The following MEIS3 variants were observed in gnomAD, a reference collection of about 807,000 sequenced individuals.
The protein encoded by MEIS3 is Meis homeobox 3.
In MEIS3, 38 loss-of-function variants were observed where a neutral mutation model predicts 51.4. That is an observed-to-expected ratio of 0.74 (90% CI 0.57 to 0.97). The LOEUF (loss-of-function observed/expected upper bound fraction) is 0.97, where lower values mean the gene tolerates loss of function less well. Among genes scored for constraint, MEIS3 ranks in the 50% least tolerant of loss-of-function variants. The probability of loss-of-function intolerance (pLI) is 0.00; values close to 1 mark genes in which losing one functional copy is unlikely to be tolerated. For synonymous variants in MEIS3, 198 were observed against 201.8 expected (o/e 0.98, Z 0.16); for missense variants, 456 against 502.6 (o/e 0.91, Z 0.89).
chr19:47,420,902 T>TCACACACACACACACACACACA (rs1306093436), upstream of MEIS3, among the ~76,000 whole-genome samples: 1 of 88,292 alleles, frequency 1.1e-5, no homozygotes, highest in African/African-American at 4.0e-5. Context: ...GCTCTCTCTC[T>TCACACACACACACACACACACA]CTCTCTCTCA....
At position 47,406,972 on chromosome 19, in the gene MEIS3, C is replaced by A. The variant is rs1323183540; in HGVS notation, c.995-1G>T. 6.3e-7 allele frequency: 1 copy of A among 1,575,482 alleles called. No individual in the cohort carries two copies. The highest frequency in any genetic ancestry group is 1.9e-5 in the Admixed American group (1 of 53,690). ...TCTGGGCTGAAGGCTGCACCCTGCC[C>A]TGCGAAGGGGGTTCAGAGGTGCAGG... On this transcript the variant is annotated splice_acceptor_variant, in intron 10 of 12. Coordinates refer to ENST00000558555, the MANE Select transcript of MEIS3 (RefSeq NM_001301059.2). LOFTEE classifies it high-confidence loss of function.
rs375153623 is a variant in MEIS3, at chr19:47,416,855, G to A, written c.294C>T (p.Asp98=). The part of the protein sequence containing the change: ...GAGLGTPPGG[D]VCSSDSFNED... ...CGTTGAAGGAATCAGAGGAGCAGACGTCACCTCCAGGGGGTGTCCCCAGCC... is the reference window on the plus strand; with the variant it reads ...CGTTGAAGGAATCAGAGGAGCAGACATCACCTCCAGGGGGTGTCCCCAGCC... Residue 98 remains aspartate, a synonymous_variant, in exon 3 of 13, where the codon GAC becomes GAT. Transcript: ENST00000558555. 76 of 1,613,872 alleles carry A rather than the reference G, an allele frequency of 4.7e-5. No homozygotes were observed. The highest frequency in any genetic ancestry group is 1.6e-4 in the Middle Eastern group (1 of 6,080).
At chr19:47,407,499 C>G in intron 8 of MEIS3, 71 bp from the exon 9 acceptor site, 1 of 1,610,974 alleles carries the variant, frequency 6.2e-7, no homozygotes, top group Non-Finnish European at 8.5e-7. Context: ...TCTGGCCCAC[C>G]GGGGTCCGGG....
In MEIS3 at chr19:47,417,195, C is replaced by T. The variant is rs754018167; in HGVS notation, c.168G>A (p.Glu56=). Residue 56 remains glutamate, a synonymous_variant, in exon 2 of 13, where the codon GAG becomes GAA. Transcript: ENST00000558555. ...PGLDSDGLKR[E]KDEIYGHPLF... is the part of the protein sequence containing the mutation. ...CCACTCACCCATAGATCTCATCCTT[C>T]TCCCTCTTCAGGCCGTCGCTGTCCA... 3.2e-6 allele frequency: 5 copies of T among 1,557,772 alleles called. No homozygotes were observed. The highest frequency in any genetic ancestry group is 4.0e-5 in the Admixed American group (2 of 49,412).
chr19:47,420,375 T>C (rs1239051545), upstream of MEIS3, among the ~76,000 whole-genome samples: 1 of 149,922 alleles, frequency 6.7e-6, no homozygotes. Context: ...AGGCTGATTC[T>C]GAAACCTAGA....
intron 6 of MEIS3, 63 bp from the exon 7 acceptor site, chr19:47,409,610 TC>T: frequency 8.3e-7 from 1 of 1,203,720 alleles, no homozygotes. Flanking sequence ...ACGCCTGTAA[TC>T]CCAGCACTTT....
intron 4 of MEIS3, 26 bp from the exon 5 acceptor site, chr19:47,415,127 G>GAGGT: frequency 7.9e-7 from 1 of 1,262,026 alleles, no homozygotes; most frequent in Non-Finnish European, 1.1e-6. Context: ...GGAGGTGGGG[G>GAGGT]GAGACAGAGG....
chr19:47,408,863 G>A (rs867344619), intron 8 of MEIS3, among the ~76,000 whole-genome samples: 1 of 152,208 alleles, frequency 6.6e-6, no homozygotes, highest in African/African-American at 2.4e-5. Context: ...TGATGCGCGG[G>A]TTAATGGACA....
chr19:47,407,232 G>A, intron 9 of MEIS3, 95 bp from the exon 10 acceptor site: 4 of 1,490,584 alleles, frequency 2.7e-6, no homozygotes, highest in Non-Finnish European at 3.6e-6. Context: ...AGCGGCGGGG[G>A]AGGCAGAGCG....
intron 12 of MEIS3, chr19:47,406,179 G>A (rs1305404672): frequency 6.0e-6 from 2 of 331,466 alleles, no homozygotes; most frequent in Middle Eastern, 8.7e-4. Context: ...GGTTTGGATG[G>A]ATGGATTGCG....
intron 6 of MEIS3, among the ~76,000 whole-genome samples, chr19:47,411,539 TTTC>T (rs1186321579): frequency 5.4e-5 from 8 of 147,752 alleles, no homozygotes; most frequent in Non-Finnish European, 7.5e-5. Flanking sequence ...ATCTTTTTCT[TTTC>T]TTTTTTTTTT....
Position 47,406,878 on chromosome 19 carries a change from C to A in MEIS3, c.1078+10G>T, listed in dbSNP as rs1009113905. 1.3e-6 allele frequency: 2 copies of A among 1,562,632 alleles called. No homozygotes were observed. The highest frequency in any genetic ancestry group is 1.7e-6 in the Non-Finnish European group (2 of 1,157,018). ...CAGGGGCGGGGCCTAGCTAAGGGGGCGAGGCTTACCCGGAGGCCGGACGGC... is the reference window on the plus strand; with the variant it reads ...CAGGGGCGGGGCCTAGCTAAGGGGGAGAGGCTTACCCGGAGGCCGGACGGC... On this transcript the variant is annotated intron_variant, in intron 11 of 12. Transcript: ENST00000558555.
chr19:47,411,422 G>A (rs977713417), intron 6 of MEIS3, among the ~76,000 whole-genome samples: 1 of 152,092 alleles, frequency 6.6e-6, no homozygotes, highest in Non-Finnish European at 1.5e-5. Flanking sequence ...GTCAGCTTTT[G>A]CTGCCAAATG....
intron 6 of MEIS3, among the ~76,000 whole-genome samples, chr19:47,413,149 C>A (rs956665617): frequency 2.6e-5 from 4 of 151,624 alleles, no homozygotes; most frequent in Admixed American, 1.3e-4. Context: ...GTAATCCCAG[C>A]ACTTTGGGAG....
chr19:47,421,343 C>G (rs1971710528), upstream of MEIS3, among the ~76,000 whole-genome samples: 1 of 152,164 alleles, frequency 6.6e-6, no homozygotes, highest in Non-Finnish European at 1.5e-5. Context: ...ACTGGCCCTT[C>G]AGTGCCCCAA....
rs1265885702 is a variant in MEIS3, at chr19:47,417,922, C to CA, written c.13-573_13-572insT. On this transcript the variant is annotated intron_variant, in intron 1 of 12. Transcript: ENST00000558555. Reference sequence around the variant, plus strand: ...TGTCAGTCACACCCAAATCCCCCCCCCCACACACACATGCACACACACATG... The same window carrying CA: ...TGTCAGTCACACCCAAATCCCCCCCCACCACACACACATGCACACACACATG... The CA allele has an allele frequency of 2.2e-3, 1,244 of 577,012 alleles. 5 individuals carry two copies. Among genetic ancestry groups the CA allele is most frequent in the African/African-American group, 0.02 (1,049 of 51,598 alleles). 35.7% of individuals were successfully genotyped at this position (577,012 alleles called of 1,614,324 possible).
chr19:47,420,940 A>ACTCTCTCTCTCT (rs71180840), upstream of MEIS3, among the ~76,000 whole-genome samples: 37 of 90,990 alleles, frequency 4.1e-4, no homozygotes, highest in African/African-American at 1.9e-3. Context: ...ACACACACAC[A>ACTCTCTCTCTCT]CTCTCTCTCT....
chr19:47,420,794 G>A (rs927090215), upstream of MEIS3, among the ~76,000 whole-genome samples: 1 of 151,216 alleles, frequency 6.6e-6, no homozygotes, highest in Non-Finnish European at 1.5e-5. Context: ...GCCGGCGGGG[G>A]ACGGAGGGAG....
intron 8 of MEIS3, among the ~76,000 whole-genome samples, chr19:47,408,686 G>A (rs1006168216): frequency 2.0e-5 from 3 of 152,062 alleles, no homozygotes; most frequent in Non-Finnish European, 4.4e-5. Flanking sequence ...GTATGGTGCG[G>A]TGGTTAAGGC....
Sources: gnomAD v4.1 joint callset for allele counts (sites outside exome capture counted in the v4.1 genomes callset) on GRCh38, gnomAD v4.1.1 for gene constraint, MANE v1.5 for transcripts, NCBI Gene and HGNC (gene_info 2026-07-23, HGNC 2026-07-21) for gene names.